The following TNS1 variants were observed in gnomAD, a reference collection of about 807,000 sequenced individuals.
The protein encoded by TNS1 is tensin 1, also known as tensin-1.
In TNS1, 62 loss-of-function variants were observed where a neutral mutation model predicts 168.6. The observed-to-expected ratio is 0.37, with a 90% CI of 0.30 to 0.45. TNS1 has a LOEUF of 0.45. Ranked by LOEUF, TNS1 falls within the 20% of genes least tolerant of loss-of-function variation. The probability of loss-of-function intolerance (pLI) is 1.00; values close to 1 mark genes in which losing one functional copy is unlikely to be tolerated. For missense variants in TNS1, 2,240 were observed against 2,339.4 expected (o/e 0.96, Z 0.88); for synonymous variants, 934 against 933.2 (o/e 1.00, Z -0.02).
At chr2:217,843,248 T>A (rs1946222468) in intron 19 of TNS1, among the ~76,000 whole-genome samples, 1 of 152,164 alleles carries the variant, frequency 6.6e-6, no homozygotes, top group Non-Finnish European at 1.5e-5. Context: ...TCTCACCTCC[T>A]GGTTGAGCCT....
In TNS1 at chr2:217,921,024, C is replaced by T. The variant is rs374943100; in HGVS notation, c.187-788G>A. Among the ~76,000 whole-genome samples, 76 of 136,918 alleles carry T rather than the reference C, an allele frequency of 5.6e-4. 2 individuals carry two copies. The highest frequency in any genetic ancestry group is 1.6e-3 in the African/African-American group (58 of 35,844). 89.8% of individuals were successfully genotyped at this position (136,918 alleles called of 152,430 possible). A position where few individuals can be genotyped will look rare whatever the true frequency, so the allele number is the denominator to read the frequency against. On this transcript the variant is annotated intron_variant, in intron 3 of 32. Transcript: ENST00000682258. ...GAAGAGGAGAGTGGAGGGGAGGGAG[C>T]GAGAGGGAGGAGGAGAGTAGAGGGG...
chr2:218,014,243 G>A (rs539970627), upstream of TNS1, among the ~76,000 whole-genome samples: 42 of 152,214 alleles, frequency 2.8e-4, no homozygotes, highest in East Asian at 2.9e-3. Flanking sequence ...ACCACTCCCC[G>A]GGGACCCCCC....
rs182674325 is a variant in TNS1 at position 217,880,908 on chromosome 2, G to A, written c.1419C>T (p.Asp473=). Residue 473 remains aspartate (D), a synonymous_variant, in exon 18 of 33, where the codon GAC becomes GAT. Coordinates refer to ENST00000682258, the MANE Select transcript of TNS1 (RefSeq NM_001387777.1). This position sits in a 1 kb window ranked among gnomAD's most constrained non-coding sequence, Gnocchi z 4.2. ...CTAGGTCCCACCTACCCTCCATGCC[G>A]TCATCTCGATGCCCACTGAAGTTGT... ...SYDNFSGHRD[D]GMEEVVGHTQ... is the part of the protein sequence containing the mutation. 4.8e-5 allele frequency: 78 copies of A among 1,613,536 alleles called. No individual in the cohort carries two copies. The Admixed American group carries it at 8.0e-4, about 17-fold the overall frequency.
intron 3 of TNS1, among the ~76,000 whole-genome samples, chr2:217,947,950 T>G (rs751078694): frequency 2.6e-5 from 4 of 152,176 alleles, no homozygotes; most frequent in Non-Finnish European, 4.4e-5. Context: ...GATTCTCACC[T>G]CAGTCTTAGA....
rs552332388 is a variant in TNS1, at chr2:217,856,688, TA to T, written c.1430-7602del. Among the ~76,000 whole-genome samples, 495 of 151,844 alleles carry T rather than the reference TA, an allele frequency of 3.3e-3. 2 individuals are homozygous for T. Among genetic ancestry groups the T allele is most frequent in the Non-Finnish European group, 5.4e-3 (364 of 67,922 alleles). On this transcript the variant is annotated intron_variant, in intron 18 of 32. Coordinates refer to ENST00000682258, the MANE Select transcript of TNS1 (RefSeq NM_001387777.1). ...GGGAACACGTAAAAAGATTTTTTGG[TA>T]AAAAAAATTACCAAAGATTTTTTGG...
At chr2:217,857,628 G>A (rs935371863) in intron 18 of TNS1, among the ~76,000 whole-genome samples, 2 of 152,242 alleles carry the variant, frequency 1.3e-5, no homozygotes, top group African/African-American at 2.4e-5. Context: ...AAAGGGAGTA[G>A]GAGCAGAAAA....
intron 1 of TNS1, among the ~76,000 whole-genome samples, chr2:218,028,344 AC>A (rs1958866655): frequency 6.6e-6 from 1 of 151,880 alleles, no homozygotes; most frequent in Admixed American, 6.5e-5. Context: ...GAACAGCTCC[AC>A]CCCGTACAGC....
rs773066429 is a variant in TNS1 at position 217,847,886 on chromosome 2, G to A, written c.2631C>T (p.Ser877=). The change falls in exon 19 of 33, where the codon TCC becomes TCT. Residue 877 remains serine, a synonymous_variant. Transcript: ENST00000682258. The part of the protein sequence containing the change: ...SPLSSQPLSG[S]SRQSHPLTQS... ...GGGTCAGTGGATGGGACTGACGGGA[G>A]GATCCAGAGAGGGGCTGGGAGGAGA... The A allele has an allele frequency of 1.3e-6, 2 of 1,555,728 alleles. No individual in the cohort carries two copies. The highest frequency in any genetic ancestry group is 1.7e-6 in the Non-Finnish European group (2 of 1,142,908).
At chr2:218,031,007 TGG>T (rs1243097720) in intron 1 of TNS1, among the ~76,000 whole-genome samples, 1 of 149,080 alleles carries the variant, frequency 6.7e-6, no homozygotes, top group East Asian at 2.0e-4. Context: ...AGTGTGAGTG[TGG>T]GAGTGTATGT....
chr2:217,846,000 A>T (rs1559591), intron 19 of TNS1, among the ~76,000 whole-genome samples: 1 of 151,490 alleles, frequency 6.6e-6, no homozygotes, highest in African/African-American at 2.4e-5. Context: ...CATCCCTCTC[A>T]CCTCAAAAAA....
chr2:217,843,909 G>C (rs1364640), intron 19 of TNS1, among the ~76,000 whole-genome samples: 60,796 of 151,904 alleles, frequency 0.4, 13,131 homozygotes, highest in African/African-American at 0.58. Context: ...AAAACCTGTA[G>C]CTCTTCCTTT....
chr2:217,958,892 T>C (rs992789610), intron 3 of TNS1, among the ~76,000 whole-genome samples: 7 of 152,208 alleles, frequency 4.6e-5, no homozygotes, highest in African/African-American at 1.7e-4. Context: ...GATGGGAGAA[T>C]GAGGAACTCA....
intron 3 of TNS1, among the ~76,000 whole-genome samples, chr2:217,973,367 GAAA>G (rs58463140): frequency 1.5e-4 from 14 of 93,556 alleles, no homozygotes; most frequent in African/African-American, 4.9e-4. Flanking sequence ...TCCTGTCTCT[GAAA>G]AAAAAAAAAA....
intron 18 of TNS1, chr2:217,879,154 C>A: frequency 3.7e-6 from 1 of 271,046 alleles, no homozygotes; most frequent in South Asian, 3.0e-5. Context: ...ACATCCTAAG[C>A]CCCGTCTTTC....
intron 1 of TNS1, among the ~76,000 whole-genome samples, chr2:218,031,279 G>A (rs895568183): frequency 7.1e-5 from 9 of 126,962 alleles, no homozygotes; most frequent in South Asian, 2.8e-4. Flanking sequence ...GTGTGTGAGC[G>A]TGTATGAGTG....
intron 3 of TNS1, among the ~76,000 whole-genome samples, chr2:217,977,796 T>C (rs1957932823): frequency 6.6e-6 from 1 of 152,168 alleles, no homozygotes; most frequent in Admixed American, 6.5e-5. Flanking sequence ...CAATGAATGC[T>C]CCTTCTGGAA....
chr2:217,884,411 G>A (rs1417542343), intron 16 of TNS1, among the ~76,000 whole-genome samples: 2 of 152,118 alleles, frequency 1.3e-5, no homozygotes, highest in Non-Finnish European at 2.9e-5. Flanking sequence ...ATATGTCCCA[G>A]GCATTAATGT....
chr2:217,960,766 C>T (rs76633721), intron 3 of TNS1, among the ~76,000 whole-genome samples: 6,856 of 152,200 alleles, frequency 0.045, 200 homozygotes, highest in Admixed American at 0.092. Flanking sequence ...CACCAGAGGA[C>T]AACCCCTCCT....
intron 1 of TNS1, among the ~76,000 whole-genome samples, chr2:218,000,894 A>G (rs1348642191): frequency 1.3e-5 from 2 of 152,154 alleles, no homozygotes; most frequent in South Asian, 2.1e-4. Flanking sequence ...GCTCACACCT[A>G]TAATCCCAGC....
Sources: gnomAD v4.1 joint callset for allele counts (sites outside exome capture counted in the v4.1 genomes callset) on GRCh38, gnomAD v4.1.1 for gene constraint, Gnocchi (gnomAD v3.1) non-coding constraint, MANE v1.5 for transcripts, NCBI Gene and HGNC (gene_info 2026-07-23, HGNC 2026-07-21) for gene names.